The following FRMPD4 variants were observed in gnomAD, a reference collection of about 807,000 sequenced individuals.
FRMPD4 encodes FERM and PDZ domain containing 4, also known as FERM and PDZ domain-containing protein 4.
Under a neutral mutation model 94.1 loss-of-function variants are expected in FRMPD4, and 22 were observed. The observed-to-expected ratio is 0.23, with a 90% confidence interval of 0.17 to 0.33. FRMPD4 has a LOEUF of 0.33. FRMPD4 is among the 10% of genes least tolerant of loss of function. The probability of loss-of-function intolerance (pLI) is 1.00; values close to 1 mark genes in which losing one functional copy is unlikely to be tolerated. For missense variants in FRMPD4, 1,111 were observed against 1,339.9 expected, an observed-to-expected ratio of 0.83 and a Z score of 2.67; for synonymous variants, 631 against 548.6, an observed-to-expected ratio of 1.15 and a Z score of -2.10.
chrX:12,299,541 C>A (rs1451259346), intron 1 of FRMPD4, among the ~76,000 whole-genome samples: 4 of 105,565 alleles, frequency 3.8e-5, no homozygotes, highest in Non-Finnish European at 5.8e-5. Flanking sequence ...CTGATAAATT[C>A]TGGAAGTTAT....
intron 1 of FRMPD4, among the ~76,000 whole-genome samples, chrX:12,375,877 G>T (rs1170807235): frequency 8.9e-6 from 1 of 112,274 alleles, no homozygotes; most frequent in Non-Finnish European, 1.9e-5. Context: ...TGGGAAGATG[G>T]GAGGGAGTCA....
At chrX:12,200,284 G>A (rs1007761228) in intron 1 of FRMPD4, among the ~76,000 whole-genome samples, 1 of 111,308 alleles carries the variant, frequency 9.0e-6, no homozygotes, top group African/African-American at 3.3e-5. Context: ...CCTATGCCCA[G>A]GAATGAACAA....
chrX:12,715,726 A>G (rs2042066152), intron 14 of FRMPD4, among the ~76,000 whole-genome samples: 1 of 112,381 alleles, frequency 8.9e-6, no homozygotes, highest in East Asian at 2.8e-4. Flanking sequence ...GACATGTTGT[A>G]TATTTACATT....
At chrX:12,243,008 G>C (rs758480018) in intron 1 of FRMPD4, among the ~76,000 whole-genome samples, 5 of 112,554 alleles carry the variant, frequency 4.4e-5, no homozygotes, top group African/African-American at 1.6e-4. Flanking sequence ...CAAAGTGTTA[G>C]AATTATAGGC....
At chrX:12,160,487 G>C (rs6639152) in intron 1 of FRMPD4, among the ~76,000 whole-genome samples, 8,607 of 111,446 alleles carry the variant, frequency 0.077, 958 homozygotes, top group East Asian at 0.65. Flanking sequence ...GGAATCTACT[G>C]TTGCTGGAGT....
At chrX:12,303,860 C>G (rs1359932806) in intron 1 of FRMPD4, among the ~76,000 whole-genome samples, 1 of 111,982 alleles carries the variant, frequency 8.9e-6, no homozygotes, top group Non-Finnish European at 1.9e-5. Flanking sequence ...AGAAAAAACT[C>G]AAGTCAAAGT....
At chrX:12,522,913 T>C (rs1724222195) in intron 2 of FRMPD4, among the ~76,000 whole-genome samples, 1 of 112,115 alleles carries the variant, frequency 8.9e-6, no homozygotes, top group African/African-American at 3.2e-5. Flanking sequence ...GGCAATTGAT[T>C]GTCTAATGCC....
intron 3 of FRMPD4, among the ~76,000 whole-genome samples, chrX:11,995,303 A>G (rs2147400627): frequency 8.9e-6 from 1 of 111,793 alleles, no homozygotes; most frequent in Non-Finnish European, 1.9e-5. Flanking sequence ...CTTTCCTGAC[A>G]TCTGTTTCTT....
chrX:11,842,185 G>T (rs1400331432), intron 1 of FRMPD4, among the ~76,000 whole-genome samples: 1 of 103,879 alleles, frequency 9.6e-6, no homozygotes, highest in Non-Finnish European at 1.9e-5. Flanking sequence ...GTAGCGTGAT[G>T]CCTCCAGCTT....
intron 3 of FRMPD4, among the ~76,000 whole-genome samples, chrX:11,889,699 C>T (rs775009339): frequency 2.4e-4 from 27 of 112,055 alleles, no homozygotes; most frequent in African/African-American, 8.8e-4. Context: ...TCATTTGCTG[C>T]ATGAAATCAT....
At chrX:12,012,311 G>A (rs2054585253) in intron 3 of FRMPD4, among the ~76,000 whole-genome samples, 1 of 111,948 alleles carries the variant, frequency 8.9e-6, no homozygotes, top group East Asian at 2.8e-4. Flanking sequence ...CTGATCTTAG[G>A]TGGAAAGCTT....
At chrX:12,087,334 A>T (rs910056977) in intron 3 of FRMPD4, among the ~76,000 whole-genome samples, 8 of 111,514 alleles carry the variant, frequency 7.2e-5, no homozygotes, top group Non-Finnish European at 1.5e-4. Context: ...TTCCAAGCCT[A>T]TTTCCTCCAT....
chrX:12,526,879 A>G (rs2058229767), intron 2 of FRMPD4, among the ~76,000 whole-genome samples: 1 of 112,369 alleles, frequency 8.9e-6, no homozygotes, highest in Admixed American at 9.4e-5. Flanking sequence ...AATTACTCAC[A>G]GGTGGTGCTT....
chrX:12,000,644 C>T (rs1422978100), intron 3 of FRMPD4, among the ~76,000 whole-genome samples: 1 of 111,350 alleles, frequency 9.0e-6, no homozygotes, highest in African/African-American at 3.3e-5. Flanking sequence ...TTCCCTCTCC[C>T]TTCTTCAGTT....
At chrX:11,923,759 A>T (rs2054070439) in intron 3 of FRMPD4, among the ~76,000 whole-genome samples, 1 of 112,532 alleles carries the variant, frequency 8.9e-6, no homozygotes, top group African/African-American at 3.2e-5. Flanking sequence ...GGATAAAAGA[A>T]AATTTAAAAA....
rs146988376 is a variant in FRMPD4, at chrX:12,051,625, T to A, written c.95+173607T>A. ...AAAACATTGTGTCCTTTTCTTTGCATTGCATTTGAAGCTTGAAAAATAGAG... is the reference window on the plus strand; with the variant it reads ...AAAACATTGTGTCCTTTTCTTTGCAATGCATTTGAAGCTTGAAAAATAGAG... On this transcript the variant is annotated intron_variant, in intron 3 of 18. Coordinates refer to the FRMPD4 transcript ENST00000640291. Among the ~76,000 whole-genome samples the A allele has an allele frequency of 1.2e-4, 14 of 112,250 alleles. No homozygotes were observed. In the East Asian group the frequency reaches 3.9e-3, roughly 31 times the overall value.
chrX:12,103,357 C>T (rs1324497290), intron 3 of FRMPD4, among the ~76,000 whole-genome samples: 1 of 112,143 alleles, frequency 8.9e-6, no homozygotes, highest in East Asian at 2.8e-4. Flanking sequence ...CCAGCCATCA[C>T]AGTTAGAAAG....
chrX:12,678,017 A>G (rs2059917965), intron 5 of FRMPD4, among the ~76,000 whole-genome samples: 1 of 112,571 alleles, frequency 8.9e-6, no homozygotes, highest in Non-Finnish European at 1.9e-5. Context: ...CCGCAGAGAC[A>G]ACCAGTGTAA....
chrX:11,899,203 C>T (rs2053920172), intron 3 of FRMPD4, among the ~76,000 whole-genome samples: 1 of 111,398 alleles, frequency 9.0e-6, no homozygotes, highest in South Asian at 3.8e-4. Context: ...CTAAAATGCA[C>T]CTGGGTGATT....
Sources: gnomAD v4.1 joint callset for allele counts (sites outside exome capture counted in the v4.1 genomes callset) on GRCh38, gnomAD v4.1.1 for gene constraint, MANE v1.5 for transcripts, NCBI Gene and HGNC (gene_info 2026-07-23, HGNC 2026-07-21) for gene names.